The following PDGFC variants were observed in gnomAD, a reference collection of about 807,000 sequenced individuals.
PDGFC encodes platelet-derived growth factor C.
PDGFC carries 12 observed loss-of-function variants against 35.5 expected under a neutral mutation model. The observed-to-expected ratio is 0.34, with a 90% CI of 0.22 to 0.55. PDGFC has a LOEUF of 0.55. Ranked by LOEUF, PDGFC falls within the 20% of genes least tolerant of loss-of-function variation. The probability of loss-of-function intolerance (pLI) is 0.91; values close to 1 mark genes in which losing one functional copy is unlikely to be tolerated. For missense variants in PDGFC, 322 were observed against 412.4 expected, an observed-to-expected ratio of 0.78 and a Z score of 1.90; for synonymous variants, 159 against 148.8, an observed-to-expected ratio of 1.07 and a Z score of -0.50.
chr4:156,824,942 T>C (rs10049854), intron 2 of PDGFC, among the ~76,000 whole-genome samples: 9,035 of 152,260 alleles, frequency 0.059, 887 homozygotes, highest in African/African-American at 0.21. Context: ...TGAGTCACTA[T>C]TAAATCAGTC....
rs1254337633 is a variant in PDGFC at position 156,780,041 on chromosome 4, G to A, written c.496-7148C>T. ...AATGTGGAAAACTAGAATTCCATGG[G>A]ATGACTAAATAACATAGTACTAAGA... On this transcript the variant is annotated intron_variant, in intron 3 of 5. Transcript: ENST00000502773. Among the ~76,000 whole-genome samples the A allele has an allele frequency of 2.0e-5, 3 of 151,052 alleles. No homozygotes were observed. The East Asian group carries it at 5.8e-4, about 29-fold the overall frequency.
intron 1 of PDGFC, among the ~76,000 whole-genome samples, chr4:156,947,247 G>A (rs1201393735): frequency 6.6e-6 from 1 of 151,990 alleles, no homozygotes; most frequent in East Asian, 1.9e-4. Flanking sequence ...CTGTGGTTCT[G>A]TAACCCTCTG....
rs111318648 is a variant in PDGFC, at chr4:156,850,934, G to A, written c.119-518C>T. Among the ~76,000 whole-genome samples, 1,305 of 152,224 alleles carry A rather than the reference G, an allele frequency of 8.6e-3. 10 individuals carry two copies. Among genetic ancestry groups the A allele is most frequent in the Non-Finnish European group, 0.012 (801 of 67,992 alleles). Reference sequence around the variant, plus strand: ...GATATTTGAAGAAAGTGAAATGTGAGGATAAAAGAGGCAGAAGTGGATAGG... The same window carrying A: ...GATATTTGAAGAAAGTGAAATGTGAAGATAAAAGAGGCAGAAGTGGATAGG... On this transcript the variant is annotated intron_variant, in intron 1 of 5. Transcript: ENST00000502773.
intron 3 of PDGFC, among the ~76,000 whole-genome samples, chr4:156,802,422 A>G (rs1395754409): frequency 6.6e-6 from 1 of 152,092 alleles, no homozygotes; most frequent in African/African-American, 2.4e-5. Flanking sequence ...GAATGACTAA[A>G]AATCTGTTAA....
chr4:156,875,790 C>T (rs1306676801), intron 1 of PDGFC, among the ~76,000 whole-genome samples: 2 of 151,960 alleles, frequency 1.3e-5, no homozygotes, highest in African/African-American at 2.4e-5. Context: ...TGGTGCTGCA[C>T]GCCTGTAATC....
At chr4:156,827,820 T>A (rs1343755457) in intron 2 of PDGFC, among the ~76,000 whole-genome samples, 1 of 152,084 alleles carries the variant, frequency 6.6e-6, no homozygotes, top group East Asian at 1.9e-4. Context: ...AGACAATAAT[T>A]TTCTACAAGT....
At chr4:156,827,188 T>C (rs773885284) in intron 2 of PDGFC, among the ~76,000 whole-genome samples, 1 of 152,082 alleles carries the variant, frequency 6.6e-6, no homozygotes, top group Non-Finnish European at 1.5e-5. Context: ...GAGGCCAAGG[T>C]GGGCGGAACA....
intron 1 of PDGFC, among the ~76,000 whole-genome samples, chr4:156,892,349 C>T (rs1730534567): frequency 6.6e-6 from 1 of 152,132 alleles, no homozygotes; most frequent in African/African-American, 2.4e-5. Context: ...CTGATAGCAA[C>T]TAAAACTCAA....
intron 1 of PDGFC, among the ~76,000 whole-genome samples, chr4:156,867,046 A>G (rs1043697275): frequency 5.9e-5 from 9 of 152,202 alleles, no homozygotes; most frequent in Admixed American, 1.3e-4. Flanking sequence ...AAGAAGTGTA[A>G]CAATGGAGTA....
At chr4:156,863,482 A>G (rs987210573) in intron 1 of PDGFC, among the ~76,000 whole-genome samples, 1 of 152,150 alleles carries the variant, frequency 6.6e-6, no homozygotes, top group East Asian at 1.9e-4. Context: ...TAGCTGTTAT[A>G]TTTACAGTAC....
intron 1 of PDGFC, among the ~76,000 whole-genome samples, chr4:156,863,369 G>T (rs552825450): frequency 2.0e-5 from 3 of 152,094 alleles, no homozygotes; most frequent in African/African-American, 7.2e-5. Context: ...TTTCAACCTG[G>T]ATGTTTGTGT....
intron 1 of PDGFC, among the ~76,000 whole-genome samples, chr4:156,899,149 T>C (rs1730704598): frequency 6.6e-6 from 1 of 152,218 alleles, no homozygotes; most frequent in South Asian, 2.1e-4. Flanking sequence ...CAACCACAGA[T>C]TGAAAATATT....
chr4:156,790,671 T>G (rs1489680689), intron 3 of PDGFC, among the ~76,000 whole-genome samples: 1 of 152,220 alleles, frequency 6.6e-6, no homozygotes, highest in East Asian at 1.9e-4. Flanking sequence ...TCAACAAAAA[T>G]ATTAACCTCA....
At chr4:156,902,096 C>A (rs1359543350) in intron 1 of PDGFC, among the ~76,000 whole-genome samples, 1 of 152,084 alleles carries the variant, frequency 6.6e-6, no homozygotes, top group Non-Finnish European at 1.5e-5. Flanking sequence ...AGTAAATATG[C>A]TTATACAGGA....
chr4:156,954,511 G>A (rs900628169), intron 1 of PDGFC, among the ~76,000 whole-genome samples: 1 of 151,822 alleles, frequency 6.6e-6, no homozygotes, highest in Non-Finnish European at 1.5e-5. Context: ...CAAAAAATAC[G>A]TCAAAGTTAC....
intron 3 of PDGFC, among the ~76,000 whole-genome samples, chr4:156,793,562 TAA>T (rs149695446): frequency 0.07 from 9,480 of 136,042 alleles, 365 homozygotes; most frequent in African/African-American, 0.096. Context: ...TATATATATA[TAA>T]AACACTTTAA....
At position 156,971,396 on chromosome 4, in the gene PDGFC, C is replaced by G. The variant is rs1451227161; in HGVS notation, c.-493G>C. On this transcript the variant is annotated 5_prime_UTR_variant, in exon 1 of 6. Coordinates refer to ENST00000502773, the MANE Select transcript of PDGFC (RefSeq NM_016205.3). ...GCCAATAGATGCGGCTCTCCGGGCG[C>G]CCCTCTCCCCCGCCCCACCCCCCAC... 6 of 394,638 alleles carry G rather than the reference C, an allele frequency of 1.5e-5. No homozygotes were observed. The highest frequency in any genetic ancestry group is 1.1e-4 in the East Asian group (3 of 27,752). 24.4% of individuals were successfully genotyped at this position (394,638 alleles called of 1,614,324 possible). A position where few individuals can be genotyped will look rare whatever the true frequency, so the allele number is the denominator to read the frequency against.
intron 2 of PDGFC, among the ~76,000 whole-genome samples, chr4:156,818,498 G>A (rs926780000): frequency 1.4e-5 from 2 of 147,238 alleles, no homozygotes; most frequent in Non-Finnish European, 3.0e-5. Flanking sequence ...TCCTCACTAA[G>A]TGTCATTCTT....
intron 1 of PDGFC, among the ~76,000 whole-genome samples, chr4:156,892,185 A>T (rs1463583514): frequency 6.6e-6 from 1 of 152,220 alleles, no homozygotes; most frequent in Admixed American, 6.5e-5. Flanking sequence ...CATAAAACAA[A>T]TAAAAAGTAT....
Sources: allele counts gnomAD v4.1 joint callset (sites outside exome capture counted in the v4.1 genomes callset), GRCh38; gene constraint gnomAD v4.1.1; transcripts MANE v1.5; gene names NCBI Gene and HGNC (gene_info 2026-07-23, HGNC 2026-07-21).